TEX11: variants seen among roughly 807,000 people sequenced by gnomAD.
The protein encoded by TEX11 is testis expressed 11.
Under a neutral mutation model 84.4 loss-of-function variants are expected in TEX11, and 7 were observed. That is an observed-to-expected ratio of 0.08 (90% CI 0.05 to 0.16). TEX11 has a LOEUF of 0.16. Among genes scored for constraint, TEX11 ranks in the 10% least tolerant of loss-of-function variants. The pLI, the probability that TEX11 is intolerant of heterozygous loss-of-function variation, is 1.00. For missense variants in TEX11, 551 were observed against 660.5 expected, an observed-to-expected ratio of 0.83 and a Z score of 1.82; for synonymous variants, 264 against 222.8, an observed-to-expected ratio of 1.18 and a Z score of -1.64.
intron 9 of TEX11, among the ~76,000 whole-genome samples, chrX:70,781,651 C>T (rs185521571): frequency 2.1e-3 from 238 of 111,732 alleles, no homozygotes; most frequent in Middle Eastern, 4.6e-3. Flanking sequence ...AACCATAGCA[C>T]GAAAACTTCG....
At chrX:70,802,913 A>G (rs1350259421) in intron 9 of TEX11, among the ~76,000 whole-genome samples, 1 of 111,961 alleles carries the variant, frequency 8.9e-6, no homozygotes, top group Non-Finnish European at 1.9e-5. Flanking sequence ...AGTTCAGCAT[A>G]ATATATGTCC....
At position 70,840,206 on chromosome X, in the gene TEX11, A is replaced by G. The variant is rs1471699896; in HGVS notation, c.526-6613T>C. On this transcript the variant is annotated intron_variant, in intron 7 of 29. Coordinates refer to ENST00000374333, the MANE Select transcript of TEX11 (RefSeq NM_031276.3). ...ATTCACCAAAGTTGAAATGAAGGAA[A>G]AAACGTTAAGGGCAGCCAGAGAGAA... is the stretch of plus-strand genomic sequence containing the variant. Among the ~76,000 whole-genome samples, 3 of 111,699 alleles carry G rather than the reference A, an allele frequency of 2.7e-5. No homozygotes were observed. In the Admixed American group the frequency reaches 2.9e-4, roughly 11 times the overall value.
intron 7 of TEX11, among the ~76,000 whole-genome samples, chrX:70,842,050 G>A (rs1230122812): frequency 2.7e-5 from 3 of 111,008 alleles, no homozygotes; most frequent in Non-Finnish European, 5.7e-5. Flanking sequence ...TCTACCAGAG[G>A]TACAAGGAGG....
chrX:70,730,560 C>A (rs975021289), intron 11 of TEX11, among the ~76,000 whole-genome samples: 3 of 111,778 alleles, frequency 2.7e-5, no homozygotes, highest in Non-Finnish European at 3.8e-5. Context: ...CAAAGAAGGC[C>A]ATTACATAAT....
intron 9 of TEX11, among the ~76,000 whole-genome samples, chrX:70,797,906 T>C (rs1602137649): frequency 1.1e-5 from 1 of 90,746 alleles, no homozygotes; most frequent in Admixed American, 1.3e-4. Context: ...TCATACTAGA[T>C]GGTAAAAAGG....
intron 9 of TEX11, among the ~76,000 whole-genome samples, chrX:70,763,598 T>C (rs1348029671): frequency 9.3e-6 from 1 of 107,043 alleles, no homozygotes; most frequent in Non-Finnish European, 1.9e-5. Context: ...ACTATTGAAA[T>C]AAAATAAAAA....
intron 9 of TEX11, among the ~76,000 whole-genome samples, chrX:70,752,143 T>C (rs2090830680): frequency 8.9e-6 from 1 of 112,002 alleles, no homozygotes; most frequent in East Asian, 2.8e-4. Context: ...ATGTTTGTGT[T>C]CTGTTTTATG....
intron 5 of TEX11, 61 bp downstream of exon 5, chrX:70,860,796 A>G: frequency 8.2e-6 from 7 of 851,636 alleles, no homozygotes; most frequent in Non-Finnish European, 1.2e-5. Flanking sequence ...TAACTTTACC[A>G]TTTTCATAGA....
chrX:70,717,645 G>T (rs1313447395), intron 13 of TEX11, among the ~76,000 whole-genome samples: 1 of 111,188 alleles, frequency 9.0e-6, no homozygotes, highest in African/African-American at 3.3e-5. Context: ...AACAGTTAAT[G>T]TTCTGCATGC....
At chrX:70,758,883 GA>G (rs2090888436) in intron 9 of TEX11, among the ~76,000 whole-genome samples, 1 of 111,357 alleles carries the variant, frequency 9.0e-6, no homozygotes, top group African/African-American at 3.3e-5. Flanking sequence ...GACTAATAAA[GA>G]AGAAAAGAAA....
intron 9 of TEX11, among the ~76,000 whole-genome samples, chrX:70,752,547 A>G (rs2090835928): frequency 9.4e-6 from 1 of 106,228 alleles, no homozygotes; most frequent in Non-Finnish European, 1.9e-5. Context: ...AAAAAAAAAG[A>G]AAAGAAAAAG....
At chrX:70,561,137 C>T (rs1165169477) in intron 25 of TEX11, among the ~76,000 whole-genome samples, 4 of 108,186 alleles carry the variant, frequency 3.7e-5, no homozygotes, top group Non-Finnish European at 7.6e-5. Context: ...AGTTTTCTAA[C>T]ACATGAACAT....
chrX:70,521,604 G>A, the TEX11 span, among the ~76,000 whole-genome samples: 3 of 111,431 alleles, frequency 2.7e-5, no homozygotes, highest in East Asian at 2.8e-4. Flanking sequence ...TCTTGCTGAC[G>A]ATATTACCCC....
chrX:70,678,788 G>T lies in TEX11; in HGVS notation c.1242+16C>A, dbSNP rs764518703. Reference sequence around the variant, plus strand: ...CAGTGGAGAAATAAAGAATGAAAAAGAGATTATTCTCAAACCTCAAAACTA... The same window carrying T: ...CAGTGGAGAAATAAAGAATGAAAAATAGATTATTCTCAAACCTCAAAACTA... On this transcript the variant is annotated intron_variant, in intron 15 of 29. Coordinates refer to ENST00000374333, the MANE Select transcript of TEX11 (RefSeq NM_031276.3). 5.1e-6 allele frequency: 6 copies of T among 1,179,972 alleles called. No homozygotes were observed. The South Asian group carries it at 1.1e-4, about 22-fold the overall frequency.
At chrX:70,755,876 G>A (rs772258537) in intron 9 of TEX11, among the ~76,000 whole-genome samples, 4 of 112,404 alleles carry the variant, frequency 3.6e-5, no homozygotes, top group African/African-American at 1.3e-4. Flanking sequence ...CTGGAGGAAT[G>A]GTATACTCCT....
chrX:70,682,316 G>C (rs1460894152), intron 14 of TEX11, among the ~76,000 whole-genome samples: 2 of 110,696 alleles, frequency 1.8e-5, no homozygotes, highest in Non-Finnish European at 3.8e-5. Flanking sequence ...TCATTTTATA[G>C]TTGAAAAAAA....
chrX:70,640,751 A>T (rs1390357160), intron 17 of TEX11, among the ~76,000 whole-genome samples: 29 of 110,471 alleles, frequency 2.6e-4, no homozygotes, highest in African/African-American at 9.2e-4. Flanking sequence ...GCCTGCCCTA[A>T]AAGAGCTCCT....
intron 25 of TEX11, among the ~76,000 whole-genome samples, chrX:70,588,923 A>G (rs1486287996): frequency 1.0e-5 from 1 of 95,405 alleles, no homozygotes; most frequent in Non-Finnish European, 2.1e-5. Flanking sequence ...ACAGACCAAA[A>G]CCCCAACTCA....
intron 14 of TEX11, among the ~76,000 whole-genome samples, chrX:70,680,035 G>A (rs1291492140): frequency 1.8e-5 from 1 of 55,357 alleles, no homozygotes; most frequent in Non-Finnish European, 3.7e-5. Flanking sequence ...CCCCTACTGG[G>A]AACTGAGGAG....
Sources: allele counts gnomAD v4.1 joint callset (sites outside exome capture counted in the v4.1 genomes callset), GRCh38; gene constraint gnomAD v4.1.1; transcripts MANE v1.5; gene names NCBI Gene and HGNC (gene_info 2026-07-23, HGNC 2026-07-21).